Variants in RGS21 observed in about 807,000 individuals in gnomAD.
RGS21 encodes the protein regulator of G protein signaling 21.
In RGS21, 19 loss-of-function variants were observed where a neutral mutation model predicts 18.7. That is an observed-to-expected ratio of 1.01 (90% confidence interval 0.71 to 1.49). The LOEUF (loss-of-function observed/expected upper bound fraction) is 1.49, where lower values mean the gene tolerates loss of function less well. Ranked by LOEUF, RGS21 falls within the 40% of genes most tolerant of loss-of-function variation. The probability of loss-of-function intolerance (pLI) is 0.00; values close to 1 mark genes in which losing one functional copy is unlikely to be tolerated. For missense variants in RGS21, 194 were observed against 176.8 expected (o/e 1.10, Z -0.55); for synonymous variants, 56 against 57.8 (o/e 0.97, Z 0.14).
chr1:192,359,338 G>A (rs928218754), intron 4 of RGS21, among the ~76,000 whole-genome samples: 3 of 151,928 alleles, frequency 2.0e-5, no homozygotes, highest in Admixed American at 2.0e-4. Context: ...GATGCTCAGC[G>A]AAGTCTAAGC....
At chr1:192,339,530 T>C (rs1658826856) in intron 1 of RGS21, among the ~76,000 whole-genome samples, 1 of 151,992 alleles carries the variant, frequency 6.6e-6, no homozygotes, top group Non-Finnish European at 1.5e-5. Context: ...GTTTTTTTAA[T>C]GGATTGCCAT....
intron 1 of RGS21, among the ~76,000 whole-genome samples, chr1:192,334,163 A>G (rs995511947): frequency 1.3e-5 from 2 of 152,164 alleles, no homozygotes; most frequent in Admixed American, 6.5e-5. Flanking sequence ...ACTTTTCAAC[A>G]TAAGTGTAGT....
At chr1:192,333,194 A>C (rs1364028323) in intron 1 of RGS21, among the ~76,000 whole-genome samples, 2 of 151,814 alleles carry the variant, frequency 1.3e-5, no homozygotes, top group African/African-American at 4.8e-5. Flanking sequence ...AGGATGCAGA[A>C]ACAGTGCACC....
chr1:192,350,569 G>A (rs956751089), intron 3 of RGS21, among the ~76,000 whole-genome samples: 4 of 152,154 alleles, frequency 2.6e-5, no homozygotes, highest in Admixed American at 1.3e-4. Flanking sequence ...GGCCTCCCTG[G>A]CAGGTGGAGG....
At position 192,366,560 on chromosome 1, in the gene RGS21, CTG is replaced by C. The variant is rs975306573; in HGVS notation, c.*438_*439del. 6.6e-6 allele frequency: 1 copy of C among 152,528 alleles called. No individual in the cohort carries two copies. The highest frequency in any genetic ancestry group is 1.5e-5 in the Non-Finnish European group (1 of 68,376). 9.4% of individuals were successfully genotyped at this position (152,528 alleles called of 1,614,324 possible). A position where few individuals can be genotyped will look rare whatever the true frequency, so the allele number is the denominator to read the frequency against. On this transcript the variant is annotated 3_prime_UTR_variant, in exon 5 of 5. Transcript: ENST00000417209. ...ACAAGCTTTCATTTAATATATTTAA[CTG>C]TTTTTTTTCTGCCATTTCTTTCCAA...
chr1:192,323,089 TAA>T (rs1027714400), intron 1 of RGS21, among the ~76,000 whole-genome samples: 2 of 152,164 alleles, frequency 1.3e-5, no homozygotes, highest in African/African-American at 4.8e-5. Flanking sequence ...GTTGTGTTTT[TAA>T]AAGAGACTTC....
In RGS21 at chr1:192,366,458, A is replaced by G. The variant is rs1255188056; in HGVS notation, c.*334A>G. 1 of 159,572 alleles carries G rather than the reference A, an allele frequency of 6.3e-6. No homozygotes were observed. The highest frequency in any genetic ancestry group is 1.4e-5 in the Non-Finnish European group (1 of 73,284). 9.9% of individuals were successfully genotyped at this position (159,572 alleles called of 1,614,324 possible). On this transcript the variant is annotated 3_prime_UTR_variant, in exon 5 of 5. Transcript: ENST00000417209. ...GCAGAATGAAAGACTTTTGAGCATC[A>G]TATACACAATTTTAAATACCATTGC...
chr1:192,333,269 TACACACAC>T (rs137948736), intron 1 of RGS21, among the ~76,000 whole-genome samples: 247 of 143,006 alleles, frequency 1.7e-3, no homozygotes, highest in African/African-American at 5.5e-3. Context: ...GTTTCTTAAA[TACACACAC>T]ACACACACAC....
intron 1 of RGS21, among the ~76,000 whole-genome samples, chr1:192,327,745 T>C (rs1658587183): frequency 6.6e-6 from 1 of 152,152 alleles, no homozygotes; most frequent in South Asian, 2.1e-4. Flanking sequence ...AGTGCTGGGA[T>C]TACAGGTGTG....
At chr1:192,365,137 A>T (rs948054152) in intron 4 of RGS21, among the ~76,000 whole-genome samples, 20 of 140,478 alleles carry the variant, frequency 1.4e-4, no homozygotes, top group African/African-American at 5.3e-4. Context: ...AGTGCGTCTC[A>T]AAAAAAAAAA....
chr1:192,366,114 C>CT lies in RGS21; in HGVS notation c.455dup (p.Leu152PhefsTer9). 1 of 1,588,150 alleles carries CT rather than the reference C, an allele frequency of 6.3e-7. No homozygotes were observed. Among genetic ancestry groups the CT allele is most frequent in the Non-Finnish European group, 8.6e-7 (1 of 1,165,432 alleles). ...GTTCCAAATCATAAAAAATGGCTCC[C>CT]TTTTTTGTGAGGAAGGTAAAAGTTA... On this transcript the variant is annotated frameshift_variant, in exon 5 of 5. Coordinates refer to ENST00000417209, the MANE Select transcript of RGS21 (RefSeq NM_001039152.3). LOFTEE classifies it high-confidence loss of function.
At chr1:192,357,844 A>G (rs1455891012) in intron 4 of RGS21, among the ~76,000 whole-genome samples, 2 of 152,086 alleles carry the variant, frequency 1.3e-5, no homozygotes, top group African/African-American at 4.8e-5. Context: ...GCCTAGATTC[A>G]AATATGACAT....
chr1:192,365,240 T>A (rs1001242628), intron 4 of RGS21, among the ~76,000 whole-genome samples: 1 of 152,138 alleles, frequency 6.6e-6, no homozygotes, highest in Non-Finnish European at 1.5e-5. Flanking sequence ...CTGGAATATG[T>A]GAGGATCTTA....
At chr1:192,356,338 T>C (rs1407466025) in intron 4 of RGS21, among the ~76,000 whole-genome samples, 4 of 151,876 alleles carry the variant, frequency 2.6e-5, no homozygotes, top group South Asian at 2.1e-4. Flanking sequence ...AAACAGATAA[T>C]AAACACGTAA....
intron 1 of RGS21, among the ~76,000 whole-genome samples, chr1:192,333,625 TGACAAAAAA>T (rs1557975940): frequency 8.9e-5 from 3 of 33,636 alleles, no homozygotes; most frequent in Admixed American, 8.3e-4. Flanking sequence ...ATTCTCAAAA[TGACAAAAAA>T]AAAAAAAAAA....
chr1:192,359,526 C>A (rs899773167), intron 4 of RGS21, among the ~76,000 whole-genome samples: 5 of 151,674 alleles, frequency 3.3e-5, no homozygotes, highest in Middle Eastern at 3.2e-3. Context: ...AGAATACAAA[C>A]AAAAATCACA....
At chr1:192,357,061 C>A (rs1659121737) in intron 4 of RGS21, among the ~76,000 whole-genome samples, 1 of 151,812 alleles carries the variant, frequency 6.6e-6, no homozygotes. Context: ...TAATAAACTT[C>A]CATGAGTGTC....
chr1:192,336,176 C>T (rs971055030), intron 1 of RGS21, among the ~76,000 whole-genome samples: 5 of 152,152 alleles, frequency 3.3e-5, no homozygotes, highest in South Asian at 2.1e-4. Flanking sequence ...AGGCTCAGGC[C>T]GGGCACAGTG....
At position 192,352,099 on chromosome 1, in the gene RGS21, T is replaced by A; in HGVS notation, c.141T>A (p.Asn47Lys). 1 of 1,606,464 alleles carries A rather than the reference T, an allele frequency of 6.2e-7. No homozygotes were observed. The highest frequency in any genetic ancestry group is 8.5e-7 in the Non-Finnish European group (1 of 1,177,268). ...TAAAATCAGAGTTTAGTGAAGAAAA[T>A]GTTGAGTTCTGGCTTGCCTGTGAAG... The part of the protein sequence containing the change: ...IFLKSEFSEE[N>K]VEFWLACEDF... Residue 47 changes from asparagine to lysine, a missense_variant, in exon 4 of 5, where the codon AAT (asparagine) becomes AAA (lysine). By Grantham distance (94) the Asn-to-Lys change is moderately conservative. Transcript: ENST00000417209.
Sources: allele counts gnomAD v4.1 joint callset (sites outside exome capture counted in the v4.1 genomes callset), GRCh38; gene constraint gnomAD v4.1.1; transcripts MANE v1.5; gene names NCBI Gene and HGNC (gene_info 2026-07-23, HGNC 2026-07-21).